TGFBR2: variants seen among roughly 807,000 people sequenced by gnomAD.
TGFBR2 encodes the protein transforming growth factor beta receptor 2, also known as TGF-beta receptor type-2.
A neutral mutation model predicts 49.0 loss-of-function variants in TGFBR2; 18 were observed. That is an observed-to-expected ratio of 0.37 (90% CI 0.25 to 0.54). The LOEUF is 0.54. TGFBR2 is among the 20% of genes least tolerant of loss of function. TGFBR2 has a pLI of 0.85. For synonymous variants in TGFBR2, 282 were observed against 275.9 expected (o/e 1.02, Z -0.22); for missense variants, 525 against 722.6 (o/e 0.73, Z 3.13).
chr3:30,657,348 ACT>A (rs1699023808), intron 3 of TGFBR2, among the ~76,000 whole-genome samples: 1 of 152,168 alleles, frequency 6.6e-6, no homozygotes, highest in South Asian at 2.1e-4. Flanking sequence ...TCAGGCTGAC[ACT>A]GTTTCCATGT....
chr3:30,607,813 TTATATATATATAAATATATATATA>T (rs1697953730), intron 1 of TGFBR2, among the ~76,000 whole-genome samples: 2 of 137,794 alleles, frequency 1.5e-5, no homozygotes, highest in African/African-American at 5.9e-5. Context: ...TATATATATA[TTATATATATATAAATATATATATA>T]ATTATATATA....
chr3:30,650,417 C>T lies in TGFBR2; in HGVS notation c.411C>T (p.Ser137=), dbSNP rs751623934. 4 of 1,613,872 alleles carry T rather than the reference C, an allele frequency of 2.5e-6. No homozygotes were observed. The African/African-American group carries it at 4.0e-5, about 16-fold the overall frequency. Residue 137 remains serine (S), a synonymous_variant, in exon 3 of 7, where the codon TCC becomes TCT. Transcript: ENST00000295754. The part of the protein sequence containing the change: ...KKPGETFFMC[S]CSSDECNDNI... The stretch of plus-strand genomic sequence containing the variant: ...CTGGTGAGACTTTCTTCATGTGTTC[C>T]TGTAGCTCTGATGAGTGCAATGACA...
chr3:30,659,685 TCCACTGGATATGAGTGG>T (rs1699079460), intron 3 of TGFBR2, among the ~76,000 whole-genome samples: 1 of 150,972 alleles, frequency 6.6e-6, no homozygotes, highest in Non-Finnish European at 1.5e-5. Context: ...TCAAATTCCA[TCCACTGGATATGAGTGG>T]CCAAGAAAGC....
At position 30,644,937 on chromosome 3, in the gene TGFBR2, T is replaced by C. The variant is rs566716859; in HGVS notation, c.263+22T>C. ...TATGGTAAGCAAGCCTTTTAAGAAGTTATTCTTTCTTTTCCCCTTTTTACA... is the reference window on the plus strand; with the variant it reads ...TATGGTAAGCAAGCCTTTTAAGAAGCTATTCTTTCTTTTCCCCTTTTTACA... On this transcript the variant is annotated intron_variant, in intron 2 of 6. Coordinates refer to ENST00000295754, the MANE Select transcript of TGFBR2 (RefSeq NM_003242.6). 592 of 1,606,340 alleles carry C rather than the reference T, an allele frequency of 3.7e-4. 4 individuals are homozygous for C. The South Asian group carries it at 6.2e-3, about 17-fold the overall frequency.
Position 30,649,177 on chromosome 3 carries a change from A to T in TGFBR2, c.264-1093A>T, listed in dbSNP as rs1022687526. Among the ~76,000 whole-genome samples, 10 of 152,166 alleles carry T rather than the reference A, an allele frequency of 6.6e-5. 1 individual carries two copies. Among genetic ancestry groups the T allele is most frequent in the Admixed American group, 5.2e-4 (8 of 15,270 alleles). ...TAGCCCTTCCTTCCGCTCCCTCTCT[A>T]GACAGAGAGAATGCGATTCAAGACA... On this transcript the variant is annotated intron_variant, in intron 2 of 6. Coordinates refer to ENST00000295754, the MANE Select transcript of TGFBR2 (RefSeq NM_003242.6).
intron 1 of TGFBR2, among the ~76,000 whole-genome samples, chr3:30,615,557 A>G (rs888559427): frequency 5.8e-4 from 88 of 152,338 alleles, no homozygotes; most frequent in African/African-American, 2.0e-3. Context: ...TTATTTTTCT[A>G]TTCTCTCAAT....
rs1160016010 is a variant in TGFBR2 at position 30,671,939 on chromosome 3, A to C, written c.756A>C (p.Lys252Asn). The C allele has an allele frequency of 4.3e-6, 7 of 1,614,078 alleles. No homozygotes were observed. In the Admixed American group the frequency reaches 1.2e-4, roughly 27 times the overall value. Residue 252 changes from lysine to asparagine, a missense_variant, in exon 4 of 7, where the codon AAA (lysine) becomes AAC (asparagine). Transcript: ENST00000295754. The part of the protein sequence containing the change: ...LPIELDTLVG[K>N]GRFAEVYKAK... Reference sequence around the variant, plus strand: ...TTGAGCTGGACACCCTGGTGGGGAAAGGTCGCTTTGCTGAGGTCTATAAGG... The same window carrying C: ...TTGAGCTGGACACCCTGGTGGGGAACGGTCGCTTTGCTGAGGTCTATAAGG...
At chr3:30,611,539 A>G (rs1458848400) in intron 1 of TGFBR2, among the ~76,000 whole-genome samples, 1 of 152,142 alleles carries the variant, frequency 6.6e-6, no homozygotes, top group Non-Finnish European at 1.5e-5. Context: ...GCAAAATTTT[A>G]AATAAAGTCA....
intron 5 of TGFBR2, among the ~76,000 whole-genome samples, chr3:30,680,656 A>G (rs1699523384): frequency 6.6e-6 from 1 of 152,108 alleles, no homozygotes. Context: ...AGAGGCTGTC[A>G]TTTCAGACAT....
At chr3:30,655,883 A>C (rs1329744508) in intron 3 of TGFBR2, among the ~76,000 whole-genome samples, 1 of 152,204 alleles carries the variant, frequency 6.6e-6, no homozygotes, top group Admixed American at 6.5e-5. Context: ...GAACGGTATA[A>C]ACCGTTGCTA....
intron 1 of TGFBR2, among the ~76,000 whole-genome samples, chr3:30,621,968 A>G (rs969482932): frequency 2.0e-5 from 3 of 152,192 alleles, no homozygotes; most frequent in African/African-American, 7.2e-5. Context: ...ATATATAAGC[A>G]ACTTGACTAA....
intron 3 of TGFBR2, among the ~76,000 whole-genome samples, chr3:30,653,072 G>A (rs1049386900): frequency 3.3e-5 from 5 of 152,076 alleles, no homozygotes; most frequent in Admixed American, 2.0e-4. Context: ...AAATGTCTGG[G>A]TGATTTCAGA....
intron 1 of TGFBR2, among the ~76,000 whole-genome samples, chr3:30,614,682 T>C (rs79544878): frequency 6.6e-4 from 101 of 152,312 alleles, no homozygotes; most frequent in African/African-American, 2.3e-3. Flanking sequence ...TTCAGGTGTA[T>C]TAACCCTCAA....
chr3:30,649,911 A>G (rs1698847440), intron 2 of TGFBR2, among the ~76,000 whole-genome samples: 1 of 152,186 alleles, frequency 6.6e-6, no homozygotes, highest in African/African-American at 2.4e-5. Flanking sequence ...AATTATCCTG[A>G]GTACCTAGGA....
At chr3:30,653,736 A>T (rs1194670099) in intron 3 of TGFBR2, among the ~76,000 whole-genome samples, 2 of 152,236 alleles carry the variant, frequency 1.3e-5, no homozygotes, top group Non-Finnish European at 2.9e-5. Flanking sequence ...TGTAAGAAAA[A>T]AAAGTTGAGC....
intron 1 of TGFBR2, among the ~76,000 whole-genome samples, chr3:30,612,450 GAA>G (rs992668469): frequency 6.6e-6 from 1 of 152,026 alleles, no homozygotes; most frequent in Non-Finnish European, 1.5e-5. Flanking sequence ...TGAGAGAGGG[GAA>G]GCTTACCATC....
chr3:30,664,232 C>A (rs527560346), intron 3 of TGFBR2, among the ~76,000 whole-genome samples: 1 of 151,926 alleles, frequency 6.6e-6, no homozygotes, highest in African/African-American at 2.4e-5. Flanking sequence ...GATCCTCCCA[C>A]CTCAGCCTCA....
intron 3 of TGFBR2, chr3:30,661,534 A>T (rs766350950): frequency 2.0e-6 from 1 of 504,258 alleles, no homozygotes; most frequent in East Asian, 5.6e-5. Flanking sequence ...CTTGACAGGT[A>T]GATGTAAAAT....
intron 1 of TGFBR2, among the ~76,000 whole-genome samples, chr3:30,643,182 G>C (rs982227331): frequency 1.3e-5 from 2 of 152,212 alleles, no homozygotes; most frequent in Non-Finnish European, 2.9e-5. Flanking sequence ...TTCCTCTCTA[G>C]GCAAGAGCGG....
Sources: allele counts gnomAD v4.1 joint callset (sites outside exome capture counted in the v4.1 genomes callset), GRCh38; gene constraint gnomAD v4.1.1; transcripts MANE v1.5; gene names NCBI Gene and HGNC (gene_info 2026-07-23, HGNC 2026-07-21).